The following ATRX variants were observed in gnomAD, a reference collection of about 807,000 sequenced individuals.
ATRX encodes ATRX chromatin remodeler, also known as chromatin remodeler ATRX.
Under a neutral mutation model 172.6 loss-of-function variants are expected in ATRX, and 12 were observed. The ratio of observed to expected loss-of-function variants is 0.07; its 90% CI spans 0.04 to 0.11. The LOEUF is 0.11. Ranked by LOEUF, ATRX falls within the 10% of genes least tolerant of loss-of-function variation. The pLI, the probability that ATRX is intolerant of heterozygous loss-of-function variation, is 1.00. For synonymous variants in ATRX, 674 were observed against 594.7 expected, an observed-to-expected ratio of 1.13 and a Z score of -1.94; for missense variants, 1,368 against 1,767.4, an observed-to-expected ratio of 0.77 and a Z score of 4.05.
At chrX:77,702,246 C>T (rs1293481274) in intron 2 of ATRX, among the ~76,000 whole-genome samples, 2 of 111,410 alleles carry the variant, frequency 1.8e-5, no homozygotes, top group Admixed American at 1.9e-4. Flanking sequence ...AGTTCAAGAC[C>T]AGCCTGGCCA....
At chrX:77,653,696 T>A (rs888800094) in intron 14 of ATRX, among the ~76,000 whole-genome samples, 1 of 111,707 alleles carries the variant, frequency 9.0e-6, no homozygotes, top group Non-Finnish European at 1.9e-5. Context: ...GTTGACAGAA[T>A]CAAACATATT....
intron 2 of ATRX, among the ~76,000 whole-genome samples, chrX:77,708,066 T>TA (rs2072924399): frequency 1.8e-5 from 2 of 111,826 alleles, no homozygotes; most frequent in Non-Finnish European, 3.8e-5. Context: ...ATCCAGCAAT[T>TA]AGATTCCTAG....
At chrX:77,772,528 G>A (rs894709740) in intron 1 of ATRX, among the ~76,000 whole-genome samples, 2 of 105,527 alleles carry the variant, frequency 1.9e-5, no homozygotes, top group South Asian at 4.4e-4. Context: ...CCAGGCTGGC[G>A]GGCAGTGGCG....
At chrX:77,612,418 G>T (rs1406824757) in intron 22 of ATRX, among the ~76,000 whole-genome samples, 3 of 108,249 alleles carry the variant, frequency 2.8e-5, no homozygotes, top group African/African-American at 6.8e-5. Context: ...GGGCCTGTTG[G>T]GGGGTGAGGG....
chrX:77,745,227 C>T (rs1016892069), intron 1 of ATRX, among the ~76,000 whole-genome samples: 11 of 105,153 alleles, frequency 1.0e-4, no homozygotes, highest in Non-Finnish European at 1.8e-4. Flanking sequence ...CCAGCAATTC[C>T]ACTGCTAAAT....
At chrX:77,676,855 C>T (rs782704118) in intron 9 of ATRX, among the ~76,000 whole-genome samples, 23 of 112,131 alleles carry the variant, frequency 2.1e-4, no homozygotes, top group South Asian at 1.1e-3. Flanking sequence ...GGTGAGGTGG[C>T]GCACGCCTGT....
At chrX:77,785,950 G>T (rs1557207542) in intron 1 of ATRX, 32 bp downstream of exon 1, 1 of 1,182,403 alleles carries the variant, frequency 8.5e-7, no homozygotes, top group Non-Finnish European at 1.1e-6. Context: ...GGCCCAGACC[G>T]CTGGGGCCCA....
Position 77,725,166 on chromosome X carries a change from C to A in ATRX, c.21-7923G>T, listed in dbSNP as rs781998567. On this transcript the variant is annotated intron_variant, in intron 1 of 34. Coordinates refer to ENST00000373344, the MANE Select transcript of ATRX (RefSeq NM_000489.6). Reference sequence around the variant, plus strand: ...GAGTGGTTAAACCGCATTGCCACAACAATCCTAAGCAAAAAGAACAAAGCT... The same window carrying A: ...GAGTGGTTAAACCGCATTGCCACAAAAATCCTAAGCAAAAAGAACAAAGCT... Among the ~76,000 whole-genome samples the A allele has an allele frequency of 9.0e-5, 10 of 111,504 alleles. No individual in the cohort carries two copies. In the East Asian group the frequency reaches 2.8e-3, roughly 31 times the overall value.
intron 34 of ATRX, 85 bp downstream of exon 34, chrX:77,520,703 T>G: frequency 9.9e-7 from 1 of 1,008,031 alleles, no homozygotes; most frequent in Non-Finnish European, 1.4e-6. Context: ...TAGGAATAAT[T>G]ACTGACGTAG....
At chrX:77,578,790 G>A (rs1490238425) in intron 27 of ATRX, among the ~76,000 whole-genome samples, 2 of 112,227 alleles carry the variant, frequency 1.8e-5, no homozygotes, top group African/African-American at 3.2e-5. Context: ...TTATCTAGCA[G>A]TGTAGCTACC....
Position 77,574,336 on chromosome X carries a change from G to A in ATRX, c.6240C>T (p.Asn2080=), listed in dbSNP as rs1557069232. 2.5e-6 allele frequency: 3 copies of A among 1,203,878 alleles called. No homozygotes were observed. Among genetic ancestry groups the A allele is most frequent in the Non-Finnish European group, 2.3e-6 (2 of 888,738 alleles). Residue 2080 remains asparagine (N), a synonymous_variant, in exon 28 of 35, where the codon AAC becomes AAT. Coordinates refer to ENST00000373344, the MANE Select transcript of ATRX (RefSeq NM_000489.6). ...AACCATCTAAACGGTAATAGTCAATGTTTCGAAGCCACTTCCCCTCACCTG... is the reference window on the plus strand; with the variant it reads ...AACCATCTAAACGGTAATAGTCAATATTTCGAAGCCACTTCCCCTCACCTG... ...IYKGEGKWLR[N]IDYYRLDGST...
At chrX:77,783,036 C>G (rs1488214496) in intron 1 of ATRX, among the ~76,000 whole-genome samples, 2 of 110,893 alleles carry the variant, frequency 1.8e-5, no homozygotes, top group African/African-American at 6.6e-5. Context: ...GAGTTCAGGA[C>G]CAGCCTAGCC....
chrX:77,727,658 A>T (rs955553418), intron 1 of ATRX, among the ~76,000 whole-genome samples: 2 of 105,135 alleles, frequency 1.9e-5, no homozygotes, highest in Non-Finnish European at 3.9e-5. Flanking sequence ...AAGGAGGGGA[A>T]CATCACACTG....
chrX:77,764,528 G>A (rs1420292076), intron 1 of ATRX, among the ~76,000 whole-genome samples: 1 of 112,412 alleles, frequency 8.9e-6, no homozygotes, highest in Non-Finnish European at 1.9e-5. Flanking sequence ...CACAAGTAAT[G>A]AAGAAATGGT....
At chrX:77,534,916 G>T (rs1557047858) in intron 30 of ATRX, among the ~76,000 whole-genome samples, 1 of 110,809 alleles carries the variant, frequency 9.0e-6, no homozygotes, top group Admixed American at 9.7e-5. Context: ...GAGGGGGTTT[G>T]CCATGTTTCA....
intron 1 of ATRX, among the ~76,000 whole-genome samples, chrX:77,721,160 A>G (rs782338988): frequency 4.5e-5 from 5 of 111,624 alleles, no homozygotes; most frequent in Non-Finnish European, 7.5e-5. Context: ...TAAACTGGGT[A>G]CCGATGAAAC....
Position 77,775,686 on chromosome X carries a change from G to GA in ATRX, c.20+10295dup, listed in dbSNP as rs782042345. ...AGTGACAGAGTAACAGCCTATCTCA[G>GA]AAAAAAACAAAAATTAAAAACAATA... On this transcript the variant is annotated intron_variant, in intron 1 of 34. Coordinates refer to ENST00000373344, the MANE Select transcript of ATRX (RefSeq NM_000489.6). Among the ~76,000 whole-genome samples the GA allele has an allele frequency of 1.1e-4, 12 of 106,087 alleles. No homozygotes were observed. The South Asian group carries it at 3.9e-3, about 35-fold the overall frequency. 92.1% of individuals were successfully genotyped at this position (106,087 alleles called of 115,157 possible). A position where few individuals can be genotyped will look rare whatever the true frequency, so the allele number is the denominator to read the frequency against.
At chrX:77,584,025 A>G (rs1557075496) in intron 27 of ATRX, among the ~76,000 whole-genome samples, 1 of 111,935 alleles carries the variant, frequency 8.9e-6, no homozygotes, top group Admixed American at 9.5e-5. Flanking sequence ...AGAAATAAAG[A>G]AACTTACAAA....
intron 14 of ATRX, among the ~76,000 whole-genome samples, chrX:77,652,933 C>T (rs2148444628): frequency 9.4e-6 from 1 of 106,065 alleles, no homozygotes; most frequent in East Asian, 2.9e-4. Context: ...TTGAATATCA[C>T]CAGTCATTAG....
Sources: gnomAD v4.1 joint callset for allele counts (sites outside exome capture counted in the v4.1 genomes callset) on GRCh38, gnomAD v4.1.1 for gene constraint, MANE v1.5 for transcripts, NCBI Gene and HGNC (gene_info 2026-07-23, HGNC 2026-07-21) for gene names.